The following PTPRG variants were observed in gnomAD, a reference collection of about 807,000 sequenced individuals.
The protein encoded by PTPRG is receptor-type tyrosine-protein phosphatase gamma.
Under a neutral mutation model 165.3 loss-of-function variants are expected in PTPRG, and 102 were observed. That is an observed-to-expected ratio of 0.62 (90% confidence interval 0.53 to 0.73). The LOEUF is 0.73. Ranked by LOEUF, PTPRG falls within the 30% of genes least tolerant of loss-of-function variation. The pLI is 0.00. For synonymous variants in PTPRG, 675 were observed against 669.5 expected (o/e 1.01, Z -0.13); for missense variants, 1,866 against 1,861.4 (o/e 1.00, Z -0.05).
At chr3:61,941,781 C>A (rs1468743217) in intron 2 of PTPRG, among the ~76,000 whole-genome samples, 1 of 152,144 alleles carries the variant, frequency 6.6e-6, no homozygotes, top group Non-Finnish European at 1.5e-5. Context: ...TTGACTCACA[C>A]TCTATTGGCT....
In PTPRG at chr3:62,267,403, T is replaced by C; in HGVS notation, c.2657-7T>C. On this transcript the variant is annotated splice_region_variant and splice_polypyrimidine_tract_variant and intron_variant, in intron 17 of 29. Transcript: ENST00000474889. Reference sequence around the variant, plus strand: ...TTATTTCTGTTTTTTTTTCTTATCTTCTATAGATGATCACAGTAGGGTGAA... The same window carrying C: ...TTATTTCTGTTTTTTTTTCTTATCTCCTATAGATGATCACAGTAGGGTGAA... The C allele has an allele frequency of 6.3e-7, 1 of 1,586,212 alleles. No homozygotes were observed. Among genetic ancestry groups the C allele is most frequent in the Non-Finnish European group, 8.6e-7 (1 of 1,161,710 alleles).
At chr3:61,562,906 G>C (rs893742195) in intron 1 of PTPRG, among the ~76,000 whole-genome samples, 12 of 152,072 alleles carry the variant, frequency 7.9e-5, no homozygotes, top group Admixed American at 7.9e-4. Context: ...GAGGACTGAG[G>C]ATGTGTGGGG....
intron 2 of PTPRG, among the ~76,000 whole-genome samples, chr3:61,950,377 C>T (rs1002761209): frequency 6.6e-6 from 1 of 152,114 alleles, no homozygotes; most frequent in African/African-American, 2.4e-5. Context: ...CTGGGAGTTC[C>T]AGTCTTGTGG....
intron 1 of PTPRG, among the ~76,000 whole-genome samples, chr3:61,603,878 C>T (rs1485464549): frequency 6.6e-6 from 1 of 152,194 alleles, no homozygotes; most frequent in East Asian, 1.9e-4. Context: ...TATAAGGACA[C>T]CAGTCATATT....
chr3:61,905,154 C>T (rs1376397216), intron 2 of PTPRG, among the ~76,000 whole-genome samples: 2 of 152,168 alleles, frequency 1.3e-5, no homozygotes, highest in African/African-American at 4.8e-5. Flanking sequence ...GATAGTCTGA[C>T]TGCTCTGCCG....
At position 61,631,759 on chromosome 3, in the gene PTPRG, T is replaced by C. The variant is rs923154092; in HGVS notation, c.85+69387T>C. 7.2e-4 allele frequency among the ~76,000 whole-genome samples: 109 copies of C among 152,136 alleles called. 7 individuals carry two copies. Among genetic ancestry groups the C allele is most frequent in the South Asian group, 2.1e-4 (1 of 4,824 alleles). The stretch of plus-strand genomic sequence containing the variant: ...ATTGGGGAGAGTATTTCTGGATCAG[T>C]AGAGAAAAGGGAAATTGCAAGTACA... On this transcript the variant is annotated intron_variant, in intron 1 of 29. Transcript: ENST00000474889.
intron 1 of PTPRG, among the ~76,000 whole-genome samples, chr3:61,714,531 A>C: frequency 6.6e-6 from 1 of 152,196 alleles, no homozygotes; most frequent in East Asian, 1.9e-4. Context: ...AGCTGTAGAT[A>C]CTCAGATGTA....
intron 2 of PTPRG, among the ~76,000 whole-genome samples, chr3:61,986,233 T>G (rs2040759370): frequency 6.6e-6 from 1 of 151,538 alleles, no homozygotes; most frequent in East Asian, 1.9e-4. Flanking sequence ...TAAAAATATG[T>G]TTTAAGGGCT....
At chr3:61,918,628 C>A (rs1197089794) in intron 2 of PTPRG, among the ~76,000 whole-genome samples, 3 of 152,142 alleles carry the variant, frequency 2.0e-5, no homozygotes, top group African/African-American at 7.2e-5. Flanking sequence ...ACTTTAAGCT[C>A]AAAAATCACA....
At chr3:61,619,713 G>A (rs965940737) in intron 1 of PTPRG, among the ~76,000 whole-genome samples, 2 of 152,152 alleles carry the variant, frequency 1.3e-5, no homozygotes, top group African/African-American at 4.8e-5. Flanking sequence ...GTGTTTTCTG[G>A]AAGAAGTCAA....
chr3:61,760,297 C>G (rs956404029), intron 2 of PTPRG, among the ~76,000 whole-genome samples: 1 of 152,118 alleles, frequency 6.6e-6, no homozygotes, highest in Non-Finnish European at 1.5e-5. Context: ...ATTGTAAGTG[C>G]TGGTCTGGTA....
At position 62,214,568 on chromosome 3, in the gene PTPRG, C is replaced by T. The variant is rs1700451433; in HGVS notation, c.2156-4283C>T. ...AGCTTTGTAACTGTTCTTCCATACACAGACGGAAATCAGCCCTGCCTTTGG... is the reference window on the plus strand; with the variant it reads ...AGCTTTGTAACTGTTCTTCCATACATAGACGGAAATCAGCCCTGCCTTTGG... On this transcript the variant is annotated intron_variant, in intron 12 of 29. Coordinates refer to ENST00000474889, the MANE Select transcript of PTPRG (RefSeq NM_002841.4). This position sits in a 1 kb window ranked among gnomAD's most constrained non-coding sequence, Gnocchi z 5.2. Among the ~76,000 whole-genome samples the T allele has an allele frequency of 6.6e-6, 1 of 152,162 alleles. No individual in the cohort carries two copies. The highest frequency in any genetic ancestry group is 1.5e-5 in the Non-Finnish European group (1 of 68,036).
intron 2 of PTPRG, among the ~76,000 whole-genome samples, chr3:61,806,777 A>AACCAG (rs1203351271): frequency 3.9e-4 from 60 of 152,340 alleles, no homozygotes; most frequent in African/African-American, 1.3e-3. Flanking sequence ...AGCCTCATAA[A>AACCAG]ACCAGTGTCT....
intron 2 of PTPRG, among the ~76,000 whole-genome samples, chr3:61,884,981 A>G (rs1401196083): frequency 2.0e-5 from 3 of 152,208 alleles, no homozygotes; most frequent in Non-Finnish European, 4.4e-5. Context: ...TCTCCTGCCC[A>G]GAGTCGCTTA....
In PTPRG at chr3:62,224,407, G is replaced by C. The variant is rs939820558; in HGVS notation, c.2288+5424G>C. 2.0e-5 allele frequency among the ~76,000 whole-genome samples: 3 copies of C among 152,200 alleles called. No individual in the cohort carries two copies. Among genetic ancestry groups the C allele is most frequent in the Non-Finnish European group, 2.9e-5 (2 of 68,034 alleles). ...ATATCTCCCAAACTGGTGTAGCAGG[G>C]ATAGAGAAGTTGAGGAGGCACCAAG... On this transcript the variant is annotated intron_variant, in intron 13 of 29. Transcript: ENST00000474889. This position sits in a 1 kb window ranked among gnomAD's most constrained non-coding sequence, Gnocchi z 4.9.
chr3:62,122,967 A>T (rs1703133508), intron 5 of PTPRG, among the ~76,000 whole-genome samples: 1 of 152,202 alleles, frequency 6.6e-6, no homozygotes, highest in East Asian at 1.9e-4. Flanking sequence ...ATGAGGGCAG[A>T]GCACTGTGAT....
At chr3:62,092,443 A>G (rs1464501516) in intron 5 of PTPRG, among the ~76,000 whole-genome samples, 1 of 146,390 alleles carries the variant, frequency 6.8e-6, no homozygotes, top group East Asian at 1.9e-4. Flanking sequence ...CCATCTGAAA[A>G]AAAAAAAAAA....
rs1052874554 is a variant in PTPRG, at chr3:61,992,613, G to T, written c.370+2809G>T. 3.9e-5 allele frequency among the ~76,000 whole-genome samples: 6 copies of T among 152,002 alleles called. No homozygotes were observed. The East Asian group carries it at 9.6e-4, about 24-fold the overall frequency. On this transcript the variant is annotated intron_variant, in intron 3 of 29. Transcript: ENST00000474889. Reference sequence around the variant, plus strand: ...CGGCTCACTGCAACCTCCGCCTCCCGGGTTGAAGCAATTCTCCCACCTCAG... The same window carrying T: ...CGGCTCACTGCAACCTCCGCCTCCCTGGTTGAAGCAATTCTCCCACCTCAG...
intron 5 of PTPRG, among the ~76,000 whole-genome samples, chr3:62,117,572 G>T (rs1002859539): frequency 6.6e-6 from 1 of 152,042 alleles, no homozygotes; most frequent in South Asian, 2.1e-4. Flanking sequence ...AGCCTCCCCG[G>T]TTGGTAACAA....
Sources: allele counts gnomAD v4.1 joint callset (sites outside exome capture counted in the v4.1 genomes callset), GRCh38; gene constraint gnomAD v4.1.1; non-coding constraint Gnocchi (gnomAD v3.1); transcripts MANE v1.5; gene names NCBI Gene and HGNC (gene_info 2026-07-23, HGNC 2026-07-21).